RNF13: variants seen among roughly 807,000 people sequenced by gnomAD.
RNF13 encodes the protein ring finger protein 13.
RNF13 carries 19 observed loss-of-function variants against 37.7 expected under a neutral mutation model. The ratio of observed to expected loss-of-function variants is 0.50; its 90% confidence interval spans 0.35 to 0.74. RNF13 has a LOEUF of 0.74. RNF13 is among the 30% of genes least tolerant of loss of function. The pLI is 0.01. For synonymous variants in RNF13, 144 were observed against 157.8 expected, an observed-to-expected ratio of 0.91 and a Z score of 0.65; for missense variants, 375 against 453.0, an observed-to-expected ratio of 0.83 and a Z score of 1.56.
intron 8 of RNF13, among the ~76,000 whole-genome samples, chr3:149,940,080 TTC>T (rs903066224): frequency 2.0e-5 from 3 of 152,202 alleles, no homozygotes; most frequent in Non-Finnish European, 2.9e-5. Context: ...TTGCCCCTGT[TTC>T]TGTTTTTCTC....
intron 3 of RNF13, among the ~76,000 whole-genome samples, chr3:149,862,462 TTTATG>T (rs1350859340): frequency 3.3e-5 from 5 of 152,122 alleles, no homozygotes; most frequent in Admixed American, 6.5e-5. Flanking sequence ...ATCTTTCCTA[TTTATG>T]TTATAAAACA....
At chr3:149,827,501 G>A (rs1435289371) in intron 1 of RNF13, among the ~76,000 whole-genome samples, 3 of 151,896 alleles carry the variant, frequency 2.0e-5, no homozygotes, top group Middle Eastern at 6.3e-3. Context: ...AGGCTATGTA[G>A]GCATTCAGTC....
intron 1 of RNF13, among the ~76,000 whole-genome samples, chr3:149,838,698 G>A (rs1721892831): frequency 1.3e-5 from 2 of 152,254 alleles, no homozygotes; most frequent in South Asian, 2.1e-4. Context: ...AGGCCTCTGG[G>A]CCTGTGATGG....
chr3:149,924,540 A>G (rs774632817), intron 8 of RNF13, among the ~76,000 whole-genome samples: 6 of 152,144 alleles, frequency 3.9e-5, no homozygotes, highest in Non-Finnish European at 8.8e-5. Flanking sequence ...CAGTGATGCA[A>G]ATCTATCAGG....
At chr3:149,876,388 G>A (rs1379709909) in intron 4 of RNF13, among the ~76,000 whole-genome samples, 3 of 152,112 alleles carry the variant, frequency 2.0e-5, no homozygotes, top group African/African-American at 7.2e-5. Context: ...CTTTTTTGTG[G>A]GCATGAATGG....
At chr3:149,813,614 C>T (rs1028517386) in intron 1 of RNF13, among the ~76,000 whole-genome samples, 6 of 152,194 alleles carry the variant, frequency 3.9e-5, no homozygotes, top group African/African-American at 1.4e-4. Flanking sequence ...TTTTGCTTCT[C>T]TCATTCCCTT....
chr3:149,862,533 T>C (rs950760735), intron 3 of RNF13, among the ~76,000 whole-genome samples: 1 of 152,252 alleles, frequency 6.6e-6, no homozygotes, highest in South Asian at 2.1e-4. Context: ...TGCTTCCATT[T>C]AAATTTTCTT....
intron 2 of RNF13, among the ~76,000 whole-genome samples, chr3:149,851,975 G>C (rs969102659): frequency 1.3e-5 from 2 of 152,140 alleles, no homozygotes; most frequent in Non-Finnish European, 2.9e-5. Flanking sequence ...AATACCTCCA[G>C]CTTTTTCCGT....
chr3:149,865,348 A>ATATATATATATG (rs1327517532), intron 3 of RNF13, among the ~76,000 whole-genome samples: 1 of 149,034 alleles, frequency 6.7e-6, no homozygotes, highest in African/African-American at 2.4e-5. Context: ...ATATATATAT[A>ATATATATATATG]TATGTATAAA....
intron 1 of RNF13, among the ~76,000 whole-genome samples, chr3:149,816,997 A>G (rs1719526112): frequency 6.6e-6 from 1 of 152,208 alleles, no homozygotes; most frequent in East Asian, 1.9e-4. Flanking sequence ...AAATAAGGAT[A>G]TTATCATGAA....
At chr3:149,856,390 A>G (rs1723652711) in intron 3 of RNF13, among the ~76,000 whole-genome samples, 1 of 152,172 alleles carries the variant, frequency 6.6e-6, no homozygotes, top group Non-Finnish European at 1.5e-5. Flanking sequence ...TACGTTAAAA[A>G]TATAACTAAT....
chr3:149,848,199 A>T (rs573331253), intron 2 of RNF13, among the ~76,000 whole-genome samples: 6 of 151,894 alleles, frequency 4.0e-5, no homozygotes, highest in Non-Finnish European at 7.4e-5. Context: ...TAATTTAGAG[A>T]CAAAAAAAAA....
intron 8 of RNF13, among the ~76,000 whole-genome samples, chr3:149,949,846 T>A (rs1052431289): frequency 6.6e-6 from 1 of 151,980 alleles, no homozygotes; most frequent in African/African-American, 2.4e-5. Context: ...GAAACCAATT[T>A]CAGGAAATCC....
At chr3:149,915,267 C>T (rs527738735) in intron 7 of RNF13, among the ~76,000 whole-genome samples, 2 of 152,104 alleles carry the variant, frequency 1.3e-5, no homozygotes, top group East Asian at 1.9e-4. Context: ...ATTCAGATTT[C>T]TAATATAGAT....
At chr3:149,926,601 G>A (rs1718680585) in intron 8 of RNF13, among the ~76,000 whole-genome samples, 1 of 152,054 alleles carries the variant, frequency 6.6e-6, no homozygotes, top group Non-Finnish European at 1.5e-5. Flanking sequence ...TTTGTCTTTT[G>A]TGTTTAATCC....
rs146364109 is a variant in RNF13 at position 149,835,796 on chromosome 3, T to C, written c.-16-10215T>C. ...TTATAAACGTGTGTGCAAATATCTT[T>C]TTTTTATGACTTTTCTCCTGGGTTG... On this transcript the variant is annotated intron_variant, in intron 1 of 9. Coordinates refer to ENST00000392894, the MANE Select transcript of RNF13 (RefSeq NM_183381.3). Among the ~76,000 whole-genome samples, 45 of 152,228 alleles carry C rather than the reference T, an allele frequency of 3.0e-4. 1 individual carries two copies. Among genetic ancestry groups the C allele is most frequent in the African/African-American group, 1.0e-3 (42 of 41,544 alleles).
At chr3:149,914,926 G>A (rs1717353938) in intron 7 of RNF13, among the ~76,000 whole-genome samples, 2 of 149,728 alleles carry the variant, frequency 1.3e-5, no homozygotes, top group African/African-American at 4.9e-5. Flanking sequence ...CAACAAGATC[G>A]AAACTCCATC....
chr3:149,897,195 A>T (rs1715358053), intron 5 of RNF13, among the ~76,000 whole-genome samples: 1 of 152,238 alleles, frequency 6.6e-6, no homozygotes, highest in South Asian at 2.1e-4. Flanking sequence ...ATAGGCCTGA[A>T]TTCGAAATCA....
At chr3:149,828,521 G>C (rs1442472923) in intron 1 of RNF13, among the ~76,000 whole-genome samples, 2 of 152,170 alleles carry the variant, frequency 1.3e-5, no homozygotes, top group Non-Finnish European at 2.9e-5. Context: ...TTAATATTCT[G>C]CTATTCATGA....
Sources: gnomAD v4.1 joint callset for allele counts (sites outside exome capture counted in the v4.1 genomes callset) on GRCh38, gnomAD v4.1.1 for gene constraint, MANE v1.5 for transcripts, NCBI Gene and HGNC (gene_info 2026-07-23, HGNC 2026-07-21) for gene names.